ARMC9: variants seen among roughly 807,000 people sequenced by gnomAD.
The protein encoded by ARMC9 is armadillo repeat containing 9, also known as lisH domain-containing protein ARMC9.
Under a neutral mutation model 107.0 loss-of-function variants are expected in ARMC9, and 94 were observed. The observed-to-expected ratio is 0.88, with a 90% CI of 0.74 to 1.04. The LOEUF (loss-of-function observed/expected upper bound fraction) is 1.04, where lower values mean the gene tolerates loss of function less well. ARMC9 is among the 50% of genes least tolerant of loss of function. The pLI is 0.00. For missense variants in ARMC9, 942 were observed against 1,030.1 expected, an observed-to-expected ratio of 0.91 and a Z score of 1.17; for synonymous variants, 380 against 396.9, an observed-to-expected ratio of 0.96 and a Z score of 0.51.
intron 12 of ARMC9, among the ~76,000 whole-genome samples, chr2:231,265,242 C>T (rs2038747542): frequency 6.6e-6 from 1 of 152,196 alleles, no homozygotes; most frequent in African/African-American, 2.4e-5. Context: ...GTCCAACAGT[C>T]CCACTAGTGG....
intron 9 of ARMC9, among the ~76,000 whole-genome samples, chr2:231,248,806 CAAAAAAAAAAAA>C (rs35234269): frequency 5.3e-5 from 2 of 38,026 alleles, no homozygotes; most frequent in African/African-American, 9.1e-5. Flanking sequence ...GGTTCTGTCT[CAAAAAAAAAAAA>C]AAAAAAAAAA....
At position 231,369,954 on chromosome 2, in the gene ARMC9, G is replaced by C. The variant is rs537361306; in HGVS notation, c.2263G>C (p.Glu755Gln). 6.6e-7 allele frequency: 1 copy of C among 1,507,212 alleles called. No homozygotes were observed. Among genetic ancestry groups the C allele is most frequent in the Non-Finnish European group, 8.9e-7 (1 of 1,129,284 alleles). The allele number at this position is 1,507,212 out of a possible 1,614,324, so 93.4% of individuals were successfully genotyped here. The change falls in exon 24 of 25, where the codon GAA becomes CAA. Residue 755 changes from glutamate (E) to glutamine (Q), a missense_variant and splice_region_variant. Transcript: ENST00000611582. ...QDPGNGVTTRECASAFTCKPR... is the reference protein window; with the variant it reads ...QDPGNGVTTRQCASAFTCKPR... ...TCCAGGTTGCACGTTTTGTTCTAGG[G>C]AATGTGCATCAGCCTTCACCTGCAA...
intron 4 of ARMC9, among the ~76,000 whole-genome samples, chr2:231,215,744 A>G (rs1054869297): frequency 6.6e-6 from 1 of 152,228 alleles, no homozygotes; most frequent in Non-Finnish European, 1.5e-5. Context: ...AGGTGAACAC[A>G]TGAGAATGTC....
At chr2:231,276,333 C>T (rs1335593968) in intron 14 of ARMC9, among the ~76,000 whole-genome samples, 3 of 151,046 alleles carry the variant, frequency 2.0e-5, no homozygotes, top group East Asian at 2.0e-4. Flanking sequence ...TGCAGTGGTA[C>T]GATCTCGGCT....
chr2:231,278,939 A>G (rs1440300692), intron 16 of ARMC9, among the ~76,000 whole-genome samples: 1 of 152,182 alleles, frequency 6.6e-6, no homozygotes, highest in Non-Finnish European at 1.5e-5. Flanking sequence ...TGTCTAGTTC[A>G]TTAAGTGTCA....
intron 14 of ARMC9, among the ~76,000 whole-genome samples, chr2:231,273,924 G>A (rs141233606): frequency 2.7e-4 from 41 of 152,122 alleles, no homozygotes; most frequent in East Asian, 1.4e-3. Context: ...CCCAGTCCCC[G>A]GTAGCCACAA....
At chr2:231,241,198 CAAAAAA>C (rs5839393) in intron 9 of ARMC9, among the ~76,000 whole-genome samples, 1 of 116,140 alleles carries the variant, frequency 8.6e-6, no homozygotes. Flanking sequence ...GACTTAGTCT[CAAAAAA>C]AAAAAAAAAA....
At chr2:231,241,783 C>G (rs909302604) in intron 9 of ARMC9, among the ~76,000 whole-genome samples, 1 of 151,956 alleles carries the variant, frequency 6.6e-6, no homozygotes, top group Admixed American at 6.6e-5. Flanking sequence ...TAAAAGTCAG[C>G]AAGGGCTAAG....
At chr2:231,241,922 T>C (rs1030848818) in intron 9 of ARMC9, among the ~76,000 whole-genome samples, 2 of 152,074 alleles carry the variant, frequency 1.3e-5, no homozygotes, top group Non-Finnish European at 2.9e-5. Flanking sequence ...CCAGTGCTTA[T>C]AAAGCAGGAG....
At chr2:231,218,694 A>G (rs1324946779) in intron 5 of ARMC9, among the ~76,000 whole-genome samples, 1 of 151,682 alleles carries the variant, frequency 6.6e-6, no homozygotes, top group Admixed American at 6.6e-5. Context: ...GTTAGTCTAC[A>G]TATGTTCTTT....
At chr2:231,239,332 G>C (rs1234925192) in intron 8 of ARMC9, among the ~76,000 whole-genome samples, 4 of 152,170 alleles carry the variant, frequency 2.6e-5, no homozygotes, top group Admixed American at 6.5e-5. Context: ...GAGAATGCAG[G>C]ATCCAGCAGC....
intron 20 of ARMC9, among the ~76,000 whole-genome samples, chr2:231,332,172 C>T (rs2043787365): frequency 6.6e-6 from 1 of 152,184 alleles, no homozygotes; most frequent in Non-Finnish European, 1.5e-5. Flanking sequence ...ATGCCTGGCC[C>T]CAGTAGCAAT....
At chr2:231,331,019 G>A (rs183805009) in intron 19 of ARMC9, among the ~76,000 whole-genome samples, 54 of 152,306 alleles carry the variant, frequency 3.5e-4, no homozygotes, top group African/African-American at 1.2e-3. Flanking sequence ...GCATACACCT[G>A]TAGTTCCAGC....
chr2:231,311,621 T>G (rs920661917), intron 19 of ARMC9, among the ~76,000 whole-genome samples: 17 of 151,920 alleles, frequency 1.1e-4, no homozygotes, highest in African/African-American at 3.9e-4. Flanking sequence ...AGTACAAAAA[T>G]TAGCCAGGTG....
In ARMC9 at chr2:231,371,924, C is replaced by G. The variant is rs1326320272; in HGVS notation, c.*389C>G. 1 of 200,918 alleles carries G rather than the reference C, an allele frequency of 5.0e-6. No homozygotes were observed. Among genetic ancestry groups the G allele is most frequent in the African/African-American group, 2.3e-5 (1 of 43,288 alleles). 12.4% of individuals were successfully genotyped at this position (200,918 alleles called of 1,614,324 possible). ...CAACAGGGCGACAGTGTAGGGCCAGCCTGGAGCAGGGCTTTTCCAAGGCTG... is the reference window on the plus strand; with the variant it reads ...CAACAGGGCGACAGTGTAGGGCCAGGCTGGAGCAGGGCTTTTCCAAGGCTG... On this transcript the variant is annotated 3_prime_UTR_variant, in exon 25 of 25. Transcript: ENST00000611582.
At chr2:231,328,549 A>G (rs1427770826) in intron 19 of ARMC9, among the ~76,000 whole-genome samples, 2 of 152,080 alleles carry the variant, frequency 1.3e-5, no homozygotes, top group Non-Finnish European at 2.9e-5. Flanking sequence ...TTTCCTACAA[A>G]TGTTCAATTT....
intron 19 of ARMC9, among the ~76,000 whole-genome samples, chr2:231,306,962 GT>G (rs2125504194): frequency 6.6e-6 from 1 of 152,332 alleles, no homozygotes; most frequent in Admixed American, 6.5e-5. Context: ...GCTCTAGGGT[GT>G]CTGGCCCAAG....
rs111301618 is a variant in ARMC9 at position 231,350,622 on chromosome 2, C to CAA, written c.1995-5164_1995-5163dup. On this transcript the variant is annotated intron_variant, in intron 21 of 24. Coordinates refer to ENST00000611582, the MANE Select transcript of ARMC9 (RefSeq NM_001352754.2). ...GGGCAACAAAGTGAGACCCTTGTCT[C>CAA]AAAAAAAAAAAAAGAAAAAGAAAAA... is the stretch of plus-strand genomic sequence containing the variant. 1.0e-4 allele frequency among the ~76,000 whole-genome samples: 10 copies of CAA among 97,410 alleles called. No individual in the cohort carries two copies. The East Asian group carries it at 1.6e-3, about 15-fold the overall frequency. The allele number at this position is 97,410 out of a possible 152,430, so 63.9% of individuals were successfully genotyped here.
chr2:231,290,220 A>G (rs2040891185), intron 17 of ARMC9, among the ~76,000 whole-genome samples: 1 of 152,246 alleles, frequency 6.6e-6, no homozygotes, highest in South Asian at 2.1e-4. Flanking sequence ...GAGGTCACAC[A>G]TTAAATTCAT....
Sources: gnomAD v4.1 joint callset for allele counts (sites outside exome capture counted in the v4.1 genomes callset) on GRCh38, gnomAD v4.1.1 for gene constraint, MANE v1.5 for transcripts, NCBI Gene and HGNC (gene_info 2026-07-23, HGNC 2026-07-21) for gene names.